The following SEMA6C variants were observed in gnomAD, a reference collection of about 807,000 sequenced individuals.
The protein encoded by SEMA6C is semaphorin-6C.
In SEMA6C, 37 loss-of-function variants were observed where a neutral mutation model predicts 72.9. The observed-to-expected ratio is 0.51, with a 90% confidence interval of 0.39 to 0.67. The LOEUF (loss-of-function observed/expected upper bound fraction) is 0.67, where lower values mean the gene tolerates loss of function less well. SEMA6C is among the 30% of genes least tolerant of loss of function. The probability of loss-of-function intolerance (pLI) is 0.00; values close to 1 mark genes in which losing one functional copy is unlikely to be tolerated. For missense variants in SEMA6C, 1,189 were observed against 1,263.6 expected (o/e 0.94, Z 0.89); for synonymous variants, 578 against 554.1 (o/e 1.04, Z -0.61).
chr1:151,144,563 A>C (rs768873071), intron 1 of SEMA6C, 129 bp from the exon 2 acceptor site: 1 of 152,522 alleles, frequency 6.6e-6, no homozygotes, highest in Non-Finnish European at 1.5e-5. Context: ...TGCCTTGAAA[A>C]TGGGAGGGGG....
At chr1:151,141,282 C>T (rs1320548551) in intron 3 of SEMA6C, among the ~76,000 whole-genome samples, 1 of 152,156 alleles carries the variant, frequency 6.6e-6, no homozygotes, top group Non-Finnish European at 1.5e-5. Flanking sequence ...TAGTATTAGA[C>T]CTTCTCTATG....
In SEMA6C at chr1:151,133,567, G is replaced by T; in HGVS notation, c.1760-50C>A. The stretch of plus-strand genomic sequence containing the variant: ...GGCTCAGCCAAGGGGAGGCGGTGCG[G>T]GGTACCTAGGCCCAGAGGCGCCGGC... On this transcript the variant is annotated intron_variant, in intron 18 of 18. Coordinates refer to ENST00000368914, the MANE Select transcript of SEMA6C (RefSeq NM_030913.6). This position sits in a 1 kb window ranked among gnomAD's most constrained non-coding sequence, Gnocchi z 5.9. 6.9e-7 allele frequency: 1 copy of T among 1,452,432 alleles called. No individual in the cohort carries two copies. The highest frequency in any genetic ancestry group is 1.4e-5 in the South Asian group (1 of 71,862). The allele number at this position is 1,452,432 out of a possible 1,614,324, so 90.0% of individuals were successfully genotyped here. A position where few individuals can be genotyped will look rare whatever the true frequency, so the allele number is the denominator to read the frequency against.
Position 151,138,448 on chromosome 1 carries a change from T to C in SEMA6C, c.457-42A>G, listed in dbSNP as rs1682246991. ...CAGATGCCTGGAACCTTTAGGGTCTTGGAGTCTGGCTCCATAGCCTATTCC... is the reference window on the plus strand; with the variant it reads ...CAGATGCCTGGAACCTTTAGGGTCTCGGAGTCTGGCTCCATAGCCTATTCC... On this transcript the variant is annotated intron_variant, in intron 7 of 18. Transcript: ENST00000368914. The C allele has an allele frequency of 3.8e-6, 6 of 1,579,966 alleles. No homozygotes were observed. The South Asian group carries it at 6.8e-5, about 18-fold the overall frequency.
chr1:151,135,431 G>A (rs1019528486), intron 14 of SEMA6C, 122 bp from the exon 15 acceptor site: 55 of 1,449,704 alleles, frequency 3.8e-5, no homozygotes, highest in Admixed American at 2.4e-4. Flanking sequence ...GAGCTGCCCC[G>A]CCCTACCACA....
chr1:151,132,941 G>C lies in SEMA6C; in HGVS notation c.2336C>G (p.Pro779Arg). ...ELLRYLHGPQ[P>R]PRKGAEPPAP... Reference sequence around the variant, plus strand: ...GGGGGGCTCGGCCCCCTTTCTGGGCGGCTGCGGGCCGTGCAGGTAGCGCAG... The same window carrying C: ...GGGGGGCTCGGCCCCCTTTCTGGGCCGCTGCGGGCCGTGCAGGTAGCGCAG... Residue 779 changes from proline (P) to arginine (R), a missense_variant, in exon 19 of 19, where the codon CCG (proline) becomes CGG (arginine). Pro to Arg is a moderately radical substitution (Grantham distance 103, BLOSUM62 -2). This residue lies in a region of SEMA6C where 721 missense variants were observed against 686.2 expected (regional missense o/e 1.05). Transcript: ENST00000368914. 1 of 1,400,672 alleles carries C rather than the reference G, an allele frequency of 7.1e-7. No individual in the cohort carries two copies. Among genetic ancestry groups the C allele is most frequent in the Non-Finnish European group, 9.3e-7 (1 of 1,074,850 alleles). 86.8% of individuals were successfully genotyped at this position (1,400,672 alleles called of 1,614,324 possible). A position where few individuals can be genotyped will look rare whatever the true frequency, so the allele number is the denominator to read the frequency against.
intron 3 of SEMA6C, among the ~76,000 whole-genome samples, chr1:151,141,496 G>A (rs780948345): frequency 2.0e-5 from 3 of 151,956 alleles, no homozygotes; most frequent in African/African-American, 7.3e-5. Context: ...TGCAACCTCC[G>A]CCTCCTGGGT....
chr1:151,141,496 G>C (rs780948345), intron 3 of SEMA6C, among the ~76,000 whole-genome samples: 1 of 151,956 alleles, frequency 6.6e-6, no homozygotes, highest in African/African-American at 2.4e-5. Context: ...TGCAACCTCC[G>C]CCTCCTGGGT....
In SEMA6C at chr1:151,140,073, A is replaced by G; in HGVS notation, c.136T>C (p.Trp46Arg). ...SDLQGTSPLS[W>R]FRGLEDDAVA... is the part of the protein sequence containing the mutation. ...GCATCATCCTCCAGGCCCCGAAACC[A>G]GGATAATGGGGAAGTACCTTGAGGA... Residue 46 changes from tryptophan (W) to arginine (R), a missense_variant, in exon 4 of 19, where the codon TGG (tryptophan) becomes CGG (arginine). Physicochemically the swap from Trp to Arg is moderately radical, Grantham distance 101. Around this residue, in one of 2 missense-constraint regions of SEMA6C, gnomAD observed 468 missense variants for 577.4 expected, o/e 0.81. Coordinates refer to ENST00000368914, the MANE Select transcript of SEMA6C (RefSeq NM_030913.6). 1 of 1,614,076 alleles carries G rather than the reference A, an allele frequency of 6.2e-7. No individual in the cohort carries two copies. The highest frequency in any genetic ancestry group is 8.5e-7 in the Non-Finnish European group (1 of 1,179,962).
chr1:151,139,608 G>A (rs751450898), intron 5 of SEMA6C, 30 bp downstream of exon 5: 24 of 1,605,782 alleles, frequency 1.5e-5, no homozygotes, highest in South Asian at 7.7e-5. Context: ...TCATCTCCAC[G>A]TCTGCACCTC....
rs867869318 is a variant in SEMA6C, at chr1:151,136,888, G to A, written c.943C>T (p.Leu315Phe). The A allele has an allele frequency of 6.2e-7, 1 of 1,613,922 alleles. No homozygotes were observed. The highest frequency in any genetic ancestry group is 2.2e-5 in the East Asian group (1 of 44,884). The change falls in exon 11 of 19, where the codon CTC becomes TTC. Residue 315 changes from leucine (L) to phenylalanine (F), a missense_variant. This residue lies in a region of SEMA6C where 468 missense variants were observed against 577.4 expected (regional missense o/e 0.81). Transcript: ENST00000368914. ...GTCTGGGTGGTGAAGACCCCAAAGA[G>A]AGCAGAGCGGCCATGCAGGTTCACA... ...GPVNLHGRSA[L>F]FGVFTTQTNS... is the part of the protein sequence containing the mutation.
chr1:151,138,342 G>A lies in SEMA6C; in HGVS notation c.521C>T (p.Thr174Ile), dbSNP rs1682237847. 1 of 1,613,950 alleles carries A rather than the reference G, an allele frequency of 6.2e-7. No individual in the cohort carries two copies. The highest frequency in any genetic ancestry group is 1.3e-5 in the African/African-American group (1 of 74,932). Residue 174 changes from threonine (T) to isoleucine (I), a missense_variant, in exon 8 of 19, where the codon ACC (threonine) becomes ATC (isoleucine). Physicochemically the swap from Thr to Ile is moderately conservative, Grantham distance 89. Coordinates refer to ENST00000368914, the MANE Select transcript of SEMA6C (RefSeq NM_030913.6). ...SGQARCPFDA[T>I]QSNVAIFAEG... is the part of the protein sequence containing the mutation. ...TGCAAAGATGGCCACGTTGGACTGG[G>A]TGGCATCAAAGGGGCATCGAGCCTG...
At position 151,133,254 on chromosome 1, in the gene SEMA6C, G is replaced by T; in HGVS notation, c.2023C>A (p.Gln675Lys). The T allele has an allele frequency of 6.3e-7, 1 of 1,579,162 alleles. No individual in the cohort carries two copies. The change falls in exon 19 of 19, where the codon CAG (glutamine) becomes AAG (lysine). Residue 675 changes from glutamine (Q) to lysine (K), a missense_variant. By Grantham distance (53) the Gln-to-Lys change is moderately conservative. Around this residue, in one of 2 missense-constraint regions of SEMA6C, gnomAD observed 721 missense variants for 686.2 expected, o/e 1.05. Coordinates refer to ENST00000368914, the MANE Select transcript of SEMA6C (RefSeq NM_030913.6). The surrounding 1 kb of genome is among the most constrained non-coding windows in gnomAD (Gnocchi z 5.9). ...PPPSKDGDAVQTPQLYTTFLP... is the reference protein window; with the variant it reads ...PPPSKDGDAVKTPQLYTTFLP... The stretch of plus-strand genomic sequence containing the variant: ...AAGGTGGTGTAGAGCTGCGGCGTCT[G>T]CACCGCGTCCCCGTCCTTGGAGGGC...
chr1:151,140,066 C>G lies in SEMA6C; in HGVS notation c.143G>C (p.Arg48Pro), dbSNP rs775365786. 1 of 1,613,906 alleles carries G rather than the reference C, an allele frequency of 6.2e-7. No homozygotes were observed. Among genetic ancestry groups the G allele is most frequent in the Non-Finnish European group, 8.5e-7 (1 of 1,179,996 alleles). Residue 48 changes from arginine (R) to proline (P), a missense_variant, in exon 4 of 19, where the codon CGG becomes CCG. Around this residue, in one of 2 missense-constraint regions of SEMA6C, gnomAD observed 468 missense variants for 577.4 expected, o/e 0.81. Transcript: ENST00000368914. ...LQGTSPLSWF[R>P]GLEDDAVAAE... is the part of the protein sequence containing the mutation. ...AGCCACAGCATCATCCTCCAGGCCC[C>G]GAAACCAGGATAATGGGGAAGTACC...
chr1:151,136,821 G>T, intron 11 of SEMA6C, 36 bp downstream of exon 11: 1 of 1,570,082 alleles, frequency 6.4e-7, no homozygotes, highest in South Asian at 1.1e-5. Flanking sequence ...TGAGGCAGGG[G>T]ACAGATTGGG....
intron 10 of SEMA6C, 74 bp from the exon 11 acceptor site, chr1:151,137,148 G>T: frequency 1.4e-6 from 2 of 1,388,272 alleles, no homozygotes; most frequent in South Asian, 1.2e-5. Flanking sequence ...AGTGTGGTGA[G>T]TTAAGAGCAG....
Position 151,138,229 on chromosome 1 carries a change from G to T in SEMA6C, c.547+87C>A, listed in dbSNP as rs1024003370. On this transcript the variant is annotated intron_variant, in intron 8 of 18. Transcript: ENST00000368914. ...CCCTACCTCAACCCTCCACTCAGGGGAATGGGGGAAAGACCCACTGGGAGA... is the reference window on the plus strand; with the variant it reads ...CCCTACCTCAACCCTCCACTCAGGGTAATGGGGGAAAGACCCACTGGGAGA... The T allele has an allele frequency of 1.0e-5, 16 of 1,582,290 alleles. No homozygotes were observed. The African/African-American group carries it at 2.0e-4, about 20-fold the overall frequency.
At chr1:151,138,910 C>T (rs764264395) in intron 6 of SEMA6C, among the ~76,000 whole-genome samples, 179 bp from the exon 7 acceptor site, 1 of 151,928 alleles carries the variant, frequency 6.6e-6, no homozygotes, top group African/African-American at 2.4e-5. Flanking sequence ...CTGGGCAACA[C>T]GGTGAAACCC....
chr1:151,143,889 A>C (rs996451707), intron 2 of SEMA6C, among the ~76,000 whole-genome samples: 2 of 151,986 alleles, frequency 1.3e-5, no homozygotes, highest in Admixed American at 6.6e-5. Flanking sequence ...TGTCCCCTAA[A>C]ACAGACCCTA....
rs1025677715 is a variant in SEMA6C, at chr1:151,137,025, G to A, written c.806C>T (p.Ser269Leu). The A allele has an allele frequency of 2.5e-6, 4 of 1,614,004 alleles. No individual in the cohort carries two copies. Among genetic ancestry groups the A allele is most frequent in the South Asian group, 2.2e-5 (2 of 91,062 alleles). Residue 269 changes from serine to leucine, a missense_variant, in exon 11 of 19, where the codon TCG becomes TTG. This residue lies in a region of SEMA6C where 468 missense variants were observed against 577.4 expected (regional missense o/e 0.81). Coordinates refer to ENST00000368914, the MANE Select transcript of SEMA6C (RefSeq NM_030913.6). The part of the protein sequence containing the change: ...ARVCKRDMGG[S>L]PRALDRHWTS... Reference sequence around the variant, plus strand: ...CCAGTGGCGGTCCAAGGCCCGAGGCGAGCCGCCCATGTCACGTTTACATAC... The same window carrying A: ...CCAGTGGCGGTCCAAGGCCCGAGGCAAGCCGCCCATGTCACGTTTACATAC...
Sources: gnomAD v4.1 joint callset for allele counts (sites outside exome capture counted in the v4.1 genomes callset) on GRCh38, gnomAD v4.1.1 for gene constraint, gnomAD v4.1.1 regional missense constraint, Gnocchi (gnomAD v3.1) non-coding constraint, MANE v1.5 for transcripts, NCBI Gene and HGNC (gene_info 2026-07-23, HGNC 2026-07-21) for gene names.